Variants in INVS observed in about 807,000 individuals in gnomAD.
The protein encoded by INVS is inversion of embryo turning homolog.
INVS carries 86 observed loss-of-function variants against 108.8 expected under a neutral mutation model. The observed-to-expected ratio is 0.79, with a 90% CI of 0.66 to 0.95. The LOEUF is 0.95. Ranked by LOEUF, INVS falls within the 40% of genes least tolerant of loss-of-function variation. The pLI, the probability that INVS is intolerant of heterozygous loss-of-function variation, is 0.00. For missense variants in INVS, 1,169 were observed against 1,297.4 expected, an observed-to-expected ratio of 0.90 and a Z score of 1.52; for synonymous variants, 455 against 473.5, an observed-to-expected ratio of 0.96 and a Z score of 0.51.
At chr9:100,235,075 T>A (rs1437963750) in intron 5 of INVS, among the ~76,000 whole-genome samples, 2 of 152,228 alleles carry the variant, frequency 1.3e-5, no homozygotes, top group African/African-American at 2.4e-5. Flanking sequence ...ATATTTAGGA[T>A]AGTTCGCTCT....
chr9:100,218,986 C>A (rs891894248), intron 3 of INVS, among the ~76,000 whole-genome samples: 1 of 151,942 alleles, frequency 6.6e-6, no homozygotes, highest in African/African-American at 2.4e-5. Context: ...AAATGAAAAA[C>A]AAAAATGAAC....
At chr9:100,294,095 G>A (rs1833712670) in intron 14 of INVS, among the ~76,000 whole-genome samples, 1 of 152,154 alleles carries the variant, frequency 6.6e-6, no homozygotes, top group Non-Finnish European at 1.5e-5. Context: ...TTGAGCCCAG[G>A]AGGTCAAGGC....
chr9:100,136,399 T>C (rs950993461), intron 3 of INVS, among the ~76,000 whole-genome samples: 1 of 152,080 alleles, frequency 6.6e-6, no homozygotes, highest in Non-Finnish European at 1.5e-5. Flanking sequence ...ATATATTCTA[T>C]TATTTCATCC....
At chr9:100,298,594 G>A (rs930439288) in intron 16 of INVS, among the ~76,000 whole-genome samples, 23 of 152,104 alleles carry the variant, frequency 1.5e-4, no homozygotes, top group African/African-American at 4.3e-4. Flanking sequence ...TTTCTCATAG[G>A]TGGCTATGGC....
At chr9:100,153,052 T>G (rs1232794859) in intron 3 of INVS, among the ~76,000 whole-genome samples, 1 of 151,506 alleles carries the variant, frequency 6.6e-6, no homozygotes, top group African/African-American at 2.4e-5. Flanking sequence ...CACAGGTGCA[T>G]GCTTTAAATT....
chr9:100,257,398 C>T (rs561235548), intron 10 of INVS, among the ~76,000 whole-genome samples: 35 of 152,114 alleles, frequency 2.3e-4, no homozygotes, highest in African/African-American at 8.5e-4. Context: ...GAGCATTTAG[C>T]CCATTTACAT....
chr9:100,254,516 C>T (rs1418132194), intron 10 of INVS, among the ~76,000 whole-genome samples: 1 of 152,052 alleles, frequency 6.6e-6, no homozygotes, highest in Non-Finnish European at 1.5e-5. Flanking sequence ...AATGGTATTG[C>T]CTAGGTTTTC....
intron 7 of INVS, among the ~76,000 whole-genome samples, chr9:100,246,009 A>G (rs1832033813): frequency 6.6e-6 from 1 of 152,002 alleles, no homozygotes; most frequent in Admixed American, 6.6e-5. Context: ...TACTAATAAT[A>G]CAAAAATTAG....
At chr9:100,229,242 A>G (rs761904662) in intron 4 of INVS, among the ~76,000 whole-genome samples, 9 of 152,180 alleles carry the variant, frequency 5.9e-5, no homozygotes, top group Non-Finnish European at 1.3e-4. Context: ...CTTTGGGGCC[A>G]TTAAGTAAAA....
At chr9:100,116,702 AT>A (rs2118861063) in intron 2 of INVS, 2 of 577,762 alleles carry the variant, frequency 3.5e-6, no homozygotes, top group East Asian at 7.0e-5. Context: ...GGTTTTATTT[AT>A]TTTTTATTTT....
At chr9:100,152,205 A>C (rs1828828342) in intron 3 of INVS, among the ~76,000 whole-genome samples, 1 of 146,762 alleles carries the variant, frequency 6.8e-6, no homozygotes, top group African/African-American at 2.7e-5. Context: ...ACATCTTAAT[A>C]TGTAAGAGTG....
chr9:100,196,605 G>A (rs1277405180), intron 3 of INVS, among the ~76,000 whole-genome samples: 11 of 151,304 alleles, frequency 7.3e-5, no homozygotes, highest in Admixed American at 5.9e-4. Context: ...AGGGGTCGCT[G>A]TTCTATCTCA....
At chr9:100,211,867 G>A (rs1241707015) in intron 3 of INVS, among the ~76,000 whole-genome samples, 1 of 152,146 alleles carries the variant, frequency 6.6e-6, no homozygotes, top group Non-Finnish European at 1.5e-5. Flanking sequence ...TTACAGAATT[G>A]TCAAATAACT....
At chr9:100,258,819 T>A (rs1169976289) in intron 10 of INVS, among the ~76,000 whole-genome samples, 1 of 152,190 alleles carries the variant, frequency 6.6e-6, no homozygotes, top group Non-Finnish European at 1.5e-5. Flanking sequence ...GAGGTGTCAG[T>A]CGGCCCCTAC....
intron 3 of INVS, among the ~76,000 whole-genome samples, chr9:100,138,165 G>A (rs1333935510): frequency 6.6e-6 from 1 of 152,120 alleles, no homozygotes; most frequent in African/African-American, 2.4e-5. Flanking sequence ...CAATACTTTG[G>A]GAGGCTGAGG....
At chr9:100,116,657 C>T in intron 2 of INVS, 1 of 355,386 alleles carries the variant, frequency 2.8e-6, no homozygotes. Flanking sequence ...AAGATTTTCA[C>T]CTTCAATTGC....
chr9:100,300,887 G>T lies in INVS; in HGVS notation c.*213G>T. The T allele has an allele frequency of 1.7e-6, 1 of 596,702 alleles. No individual in the cohort carries two copies. The highest frequency in any genetic ancestry group is 3.0e-6 in the Non-Finnish European group (1 of 333,610). The allele number at this position is 596,702 out of a possible 1,614,324, so 37.0% of individuals were successfully genotyped here. On this transcript the variant is annotated 3_prime_UTR_variant, in exon 17 of 17. Transcript: ENST00000262457. ...TTTGTCAATCAACACAGCCTGCACT[G>T]AAAGGACCTGCATAGACTATGTCTG...
chr9:100,213,454 C>T (rs969975709), intron 3 of INVS, among the ~76,000 whole-genome samples: 1 of 152,034 alleles, frequency 6.6e-6, no homozygotes, highest in African/African-American at 2.4e-5. Context: ...GATCTGCCCA[C>T]CTTGGCCTCC....
intron 3 of INVS, among the ~76,000 whole-genome samples, chr9:100,129,372 C>T (rs1426111893): frequency 2.0e-5 from 3 of 151,784 alleles, no homozygotes; most frequent in African/African-American, 7.3e-5. Flanking sequence ...GTCGTGAGCA[C>T]GTGTACTCCC....
Sources: allele counts gnomAD v4.1 joint callset (sites outside exome capture counted in the v4.1 genomes callset), GRCh38; gene constraint gnomAD v4.1.1; transcripts MANE v1.5; gene names NCBI Gene and HGNC (gene_info 2026-07-23, HGNC 2026-07-21).